NDUFS4: variants seen among roughly 807,000 people sequenced by gnomAD.
NDUFS4 encodes the protein NADH dehydrogenase [ubiquinone] iron-sulfur protein 4, mitochondrial.
In NDUFS4, 28 loss-of-function variants were observed where a neutral mutation model predicts 24.3. That is an observed-to-expected ratio of 1.15 (90% CI 0.85 to 1.58). The LOEUF is 1.58. NDUFS4 is among the 40% of genes most tolerant of loss of function. NDUFS4 has a pLI of 0.00. For missense variants in NDUFS4, 223 were observed against 207.9 expected (o/e 1.07, Z -0.45); for synonymous variants, 93 against 69.7 (o/e 1.34, Z -1.67).
intron 1 of NDUFS4, among the ~76,000 whole-genome samples, chr5:53,586,622 A>T (rs962922221): frequency 6.6e-6 from 1 of 152,148 alleles, no homozygotes; most frequent in Non-Finnish European, 1.5e-5. Context: ...TCCCAGGTTC[A>T]TGCCATTCTC....
chr5:53,580,237 T>C (rs142073185), intron 1 of NDUFS4, among the ~76,000 whole-genome samples: 4 of 152,348 alleles, frequency 2.6e-5, no homozygotes, highest in Admixed American at 6.5e-5. Flanking sequence ...TCAACACATA[T>C]ACGTGGCAAC....
intron 2 of NDUFS4, among the ~76,000 whole-genome samples, chr5:53,640,819 A>G (rs1277347654): frequency 1.3e-5 from 2 of 152,112 alleles, no homozygotes; most frequent in Non-Finnish European, 1.5e-5. Context: ...CTTTGTTGCT[A>G]TAGTGGTTAT....
At chr5:53,569,244 A>G (rs1278295156) in intron 1 of NDUFS4, among the ~76,000 whole-genome samples, 1 of 152,276 alleles carries the variant, frequency 6.6e-6, no homozygotes, top group Middle Eastern at 3.4e-3. Flanking sequence ...AGACATGTGT[A>G]ATTTGAATTT....
At chr5:53,640,213 A>T (rs1445082751) in intron 2 of NDUFS4, among the ~76,000 whole-genome samples, 1 of 152,030 alleles carries the variant, frequency 6.6e-6, no homozygotes, top group Non-Finnish European at 1.5e-5. Flanking sequence ...GCAGGGGTAG[A>T]CGGAAGGATG....
intron 1 of NDUFS4, among the ~76,000 whole-genome samples, chr5:53,591,462 G>GGC (rs1491268170): frequency 1.3e-3 from 9 of 7,010 alleles, no homozygotes; most frequent in African/African-American, 3.3e-3. Context: ...TGTTTTTTTT[G>GGC]GGGGGGGGGG....
intron 2 of NDUFS4, among the ~76,000 whole-genome samples, chr5:53,616,379 A>T (rs1294351532): frequency 6.6e-6 from 1 of 152,144 alleles, no homozygotes; most frequent in Non-Finnish European, 1.5e-5. Context: ...GGAAAAAACA[A>T]AGCTAGGTGA....
At chr5:53,663,316 G>A (rs909571785) in intron 4 of NDUFS4, among the ~76,000 whole-genome samples, 25 of 152,118 alleles carry the variant, frequency 1.6e-4, no homozygotes, top group Non-Finnish European at 3.1e-4. Flanking sequence ...TGTTGATTTG[G>A]GGTGGAGAGT....
intron 3 of NDUFS4, 142 bp downstream of exon 3, chr5:53,646,547 A>G (rs1488091420): frequency 3.7e-6 from 3 of 802,954 alleles, no homozygotes; most frequent in South Asian, 1.5e-5. Flanking sequence ...ACTGTGCTCA[A>G]AGATACACAT....
chr5:53,653,070 T>C (rs1310975439), intron 3 of NDUFS4, among the ~76,000 whole-genome samples: 1 of 152,206 alleles, frequency 6.6e-6, no homozygotes, highest in Non-Finnish European at 1.5e-5. Flanking sequence ...TAATGTACAT[T>C]GGTCATTGAA....
At chr5:53,571,824 T>C (rs894943352) in intron 1 of NDUFS4, among the ~76,000 whole-genome samples, 1 of 152,248 alleles carries the variant, frequency 6.6e-6, no homozygotes, top group African/African-American at 2.4e-5. Flanking sequence ...GCAAATGATG[T>C]TGAACTTTGG....
chr5:53,593,481 T>C (rs1301373994), intron 1 of NDUFS4, among the ~76,000 whole-genome samples: 1 of 151,956 alleles, frequency 6.6e-6, no homozygotes, highest in East Asian at 1.9e-4. Flanking sequence ...GTTTTAATGC[T>C]CTTTTCAAAG....
intron 2 of NDUFS4, among the ~76,000 whole-genome samples, chr5:53,610,892 A>G (rs546056658): frequency 6.6e-6 from 1 of 152,228 alleles, no homozygotes. Flanking sequence ...CCTTTTAATC[A>G]TCGCAGTTCT....
At chr5:53,673,677 C>T (rs1342812888) in intron 4 of NDUFS4, among the ~76,000 whole-genome samples, 1 of 152,134 alleles carries the variant, frequency 6.6e-6, no homozygotes, top group African/African-American at 2.4e-5. Context: ...ATCTCATAAC[C>T]TTGCATTGCA....
At chr5:53,592,061 C>T (rs1337721963) in intron 1 of NDUFS4, among the ~76,000 whole-genome samples, 1 of 152,006 alleles carries the variant, frequency 6.6e-6, no homozygotes, top group Non-Finnish European at 1.5e-5. Flanking sequence ...GCCACAGCCT[C>T]TTGAGTAGCT....
intron 4 of NDUFS4, among the ~76,000 whole-genome samples, chr5:53,680,288 T>G (rs1740617244): frequency 6.6e-6 from 1 of 152,292 alleles, no homozygotes; most frequent in African/African-American, 2.4e-5. Context: ...GTGTGGCGAT[T>G]CCTCAGGGAT....
chr5:53,593,800 AC>A (rs1750048313), intron 1 of NDUFS4, among the ~76,000 whole-genome samples: 2 of 151,884 alleles, frequency 1.3e-5, no homozygotes, highest in Admixed American at 1.3e-4. Context: ...GACTTTTTTG[AC>A]CCATGAGTTA....
intron 1 of NDUFS4, among the ~76,000 whole-genome samples, chr5:53,597,266 GAGAC>G (rs142508130): frequency 1.3e-5 from 2 of 152,280 alleles, no homozygotes; most frequent in East Asian, 3.9e-4. Context: ...AATATTCTAA[GAGAC>G]AGGGAGTGAA....
chr5:53,676,171 G>T lies in NDUFS4; in HGVS notation c.425-6947G>T, dbSNP rs1489783216. On this transcript the variant is annotated intron_variant, in intron 4 of 4. Coordinates refer to ENST00000296684, the MANE Select transcript of NDUFS4 (RefSeq NM_002495.4). ...GTAGGGTAAAGAAATGTTGAGATGA[G>T]TTGCTAATTGAGACAAAACTGATTT... Among the ~76,000 whole-genome samples the T allele has an allele frequency of 2.0e-5, 3 of 152,194 alleles. No homozygotes were observed. The South Asian group carries it at 6.2e-4, about 31-fold the overall frequency.
chr5:53,617,457 C>T (rs1750876779), intron 2 of NDUFS4, among the ~76,000 whole-genome samples: 1 of 151,980 alleles, frequency 6.6e-6, no homozygotes, highest in African/African-American at 2.4e-5. Flanking sequence ...TCCTGCCTTC[C>T]CTTCTGTCTC....
Sources: gnomAD v4.1 joint callset for allele counts (sites outside exome capture counted in the v4.1 genomes callset) on GRCh38, gnomAD v4.1.1 for gene constraint, MANE v1.5 for transcripts, NCBI Gene and HGNC (gene_info 2026-07-23, HGNC 2026-07-21) for gene names.